The following CS variants were observed in gnomAD, a reference collection of about 807,000 sequenced individuals.
CS encodes citrate synthase, mitochondrial.
Under a neutral mutation model 61.4 loss-of-function variants are expected in CS, and 13 were observed. That is an observed-to-expected ratio of 0.21 (90% CI 0.14 to 0.34). The LOEUF (loss-of-function observed/expected upper bound fraction) is 0.34. Ranked by LOEUF, CS falls within the 10% of genes least tolerant of loss-of-function variation. The pLI is 1.00. For synonymous variants in CS, 159 were observed against 215.2 expected (o/e 0.74, Z 2.29); for missense variants, 278 against 573.4 (o/e 0.48, Z 5.26).
intron 1 of CS, among the ~76,000 whole-genome samples, chr12:56,287,820 A>G (rs959294275): frequency 1.3e-4 from 20 of 151,970 alleles, no homozygotes; most frequent in Admixed American, 1.1e-3. Flanking sequence ...ATGCTTGGCT[A>G]ATTTTTTTTG....
chr12:56,294,103 A>G (rs1873220140), intron 1 of CS, among the ~76,000 whole-genome samples: 1 of 152,080 alleles, frequency 6.6e-6, no homozygotes, highest in African/African-American at 2.4e-5. Flanking sequence ...TCATACTTTG[A>G]CCTCCTTCAT....
At chr12:56,277,493 C>T (rs1156361715) in intron 6 of CS, among the ~76,000 whole-genome samples, 4 of 149,898 alleles carry the variant, frequency 2.7e-5, no homozygotes, top group Admixed American at 6.7e-5. Flanking sequence ...AGTGAGACTC[C>T]GTCTCAAAAA....
At chr12:56,282,347 T>C in intron 6 of CS, 73 bp downstream of exon 6, 1 of 1,250,696 alleles carries the variant, frequency 8.0e-7, no homozygotes, top group East Asian at 2.5e-5. Context: ...AGATTCTGTA[T>C]TTTTTCCCTC....
At chr12:56,287,240 G>C (rs1387357049) in intron 1 of CS, among the ~76,000 whole-genome samples, 1 of 152,108 alleles carries the variant, frequency 6.6e-6, no homozygotes, top group African/African-American at 2.4e-5. Context: ...CAGCACTTTG[G>C]GAAGCTGAGG....
chr12:56,273,871 T>TC, intron 9 of CS, 75 bp from the exon 10 acceptor site: 1 of 1,317,440 alleles, frequency 7.6e-7, no homozygotes, highest in Non-Finnish European at 1.1e-6. Flanking sequence ...TCTCACTCTG[T>TC]CACCCAGGCT....
intron 7 of CS, chr12:56,275,750 G>A: frequency 1.8e-6 from 1 of 541,130 alleles, no homozygotes; most frequent in South Asian, 2.1e-5. Flanking sequence ...CATCTAATGT[G>A]AGCAGCTAGT....
intron 1 of CS, chr12:56,291,694 G>A (rs1873130175): frequency 6.6e-6 from 1 of 152,174 alleles, no homozygotes; most frequent in Non-Finnish European, 1.5e-5. Flanking sequence ...TGTGACAGTT[G>A]GGCTTTTGGC....
At chr12:56,277,219 G>T (rs1390200414) in intron 6 of CS, among the ~76,000 whole-genome samples, 1 of 139,154 alleles carries the variant, frequency 7.2e-6, no homozygotes, top group Non-Finnish European at 1.5e-5. Context: ...AAAAAAAGGG[G>T]TCGGGCACAG....
At chr12:56,286,750 C>G in intron 1 of CS, 105 bp from the exon 2 acceptor site, 1 of 1,001,484 alleles carries the variant, frequency 1.0e-6, no homozygotes, top group South Asian at 1.4e-5. Context: ...ATCTCAGTCT[C>G]TTAGGGCAGT....
At chr12:56,291,712 T>C (rs951940614) in intron 1 of CS, 1 of 152,242 alleles carries the variant, frequency 6.6e-6, no homozygotes, top group Non-Finnish European at 1.5e-5. Context: ...GGCTTCTGGA[T>C]GCATGCCACC....
At chr12:56,279,935 T>C (rs1278955198) in intron 6 of CS, among the ~76,000 whole-genome samples, 1 of 151,570 alleles carries the variant, frequency 6.6e-6, no homozygotes, top group African/African-American at 2.4e-5. Flanking sequence ...GTCACTGCAC[T>C]CCAGCCTGGG....
intron 10 of CS, 51 bp from the exon 11 acceptor site, chr12:56,273,305 G>A (rs1486187997): frequency 5.8e-6 from 9 of 1,564,572 alleles, no homozygotes; most frequent in Non-Finnish European, 7.9e-6. Flanking sequence ...GCAGTGGCAT[G>A]TACAAGTCCT....
chr12:56,298,264 C>G (rs1873371030), intron 1 of CS, among the ~76,000 whole-genome samples: 1 of 152,204 alleles, frequency 6.6e-6, no homozygotes. Flanking sequence ...TCCCAAAGTG[C>G]TGAGATTACA....
At chr12:56,279,067 G>A (rs1053506161) in intron 6 of CS, among the ~76,000 whole-genome samples, 12 of 152,130 alleles carry the variant, frequency 7.9e-5, no homozygotes, top group East Asian at 3.9e-4. Flanking sequence ...GAGTCCCCAC[G>A]CCTGGCCTAC....
At chr12:56,275,303 A>G in intron 7 of CS, 172 bp from the exon 8 acceptor site, 1 of 736,926 alleles carries the variant, frequency 1.4e-6, no homozygotes, top group East Asian at 2.8e-5. Context: ...GGCCAGGCAC[A>G]GTGGCTCACG....
intron 9 of CS, 161 bp from the exon 10 acceptor site, chr12:56,273,957 C>T (rs1872570363): frequency 3.1e-6 from 2 of 644,370 alleles, no homozygotes; most frequent in African/African-American, 3.6e-5. Flanking sequence ...CTTCAGCCTC[C>T]AGAGTAGCTG....
At chr12:56,299,654 T>C (rs1198625239) in intron 1 of CS, among the ~76,000 whole-genome samples, 1 of 152,166 alleles carries the variant, frequency 6.6e-6, no homozygotes, top group African/African-American at 2.4e-5. Context: ...CACCGAAGGC[T>C]TAAATAATAG....
chr12:56,298,835 T>C, intron 1 of CS: 2 of 192,984 alleles, frequency 1.0e-5, no homozygotes, highest in Non-Finnish European at 1.9e-5. Flanking sequence ...AGCTCAGGAG[T>C]TCAAGACCAG....
Position 56,290,738 on chromosome 12 carries a change from C to T in CS, c.43-4093G>A, listed in dbSNP as rs117463808. Among the ~76,000 whole-genome samples the T allele has an allele frequency of 2.0e-5, 3 of 152,166 alleles. No homozygotes were observed. In the East Asian group the frequency reaches 5.8e-4, roughly 29 times the overall value. ...AGGAAAGGAAGTCTGGGTTCTAGTCCTAGCTCCATTACTAATTAAGACAAC... is the reference window on the plus strand; with the variant it reads ...AGGAAAGGAAGTCTGGGTTCTAGTCTTAGCTCCATTACTAATTAAGACAAC... On this transcript the variant is annotated intron_variant, in intron 1 of 10. Coordinates refer to ENST00000351328, the MANE Select transcript of CS (RefSeq NM_004077.3).
Sources: gnomAD v4.1 joint callset for allele counts (sites outside exome capture counted in the v4.1 genomes callset) on GRCh38, gnomAD v4.1.1 for gene constraint, MANE v1.5 for transcripts, NCBI Gene and HGNC (gene_info 2026-07-23, HGNC 2026-07-21) for gene names.